HTR3A: variants seen among roughly 807,000 people sequenced by gnomAD.
HTR3A encodes the protein 5-hydroxytryptamine (serotonin) receptor 3A, ionotropic.
Under a neutral mutation model 54.8 loss-of-function variants are expected in HTR3A, and 45 were observed. That is an observed-to-expected ratio of 0.82 (90% CI 0.65 to 1.05). HTR3A has a LOEUF of 1.05. Ranked by LOEUF, HTR3A falls within the 50% of genes least tolerant of loss-of-function variation. The probability of loss-of-function intolerance (pLI) is 0.00; values close to 1 mark genes in which losing one functional copy is unlikely to be tolerated. For missense variants in HTR3A, 657 were observed against 614.0 expected (o/e 1.07, Z -0.74); for synonymous variants, 297 against 256.0 (o/e 1.16, Z -1.53).
intron 3 of HTR3A, among the ~76,000 whole-genome samples, chr11:113,980,592 T>C (rs1649217616): frequency 6.6e-6 from 1 of 152,214 alleles, no homozygotes; most frequent in Non-Finnish European, 1.5e-5. Context: ...GTTCCAGCAG[T>C]GTTTCATTGC....
At chr11:113,978,215 G>A (rs1173682078) in intron 2 of HTR3A, among the ~76,000 whole-genome samples, 1 of 152,208 alleles carries the variant, frequency 6.6e-6, no homozygotes, top group African/African-American at 2.4e-5. Flanking sequence ...TCAGCTGTAT[G>A]AGGATTAAGA....
At chr11:113,978,001 T>G in intron 2 of HTR3A, 79 bp downstream of exon 2, 1 of 1,533,360 alleles carries the variant, frequency 6.5e-7, no homozygotes, top group Non-Finnish European at 9.0e-7. Flanking sequence ...TCACCCCCTA[T>G]GCAGCTTGTT....
At chr11:113,979,817 A>T (rs750867638) in intron 3 of HTR3A, among the ~76,000 whole-genome samples, 10 of 152,126 alleles carry the variant, frequency 6.6e-5, no homozygotes, top group Non-Finnish European at 1.5e-4. Context: ...AGTGGAGGTC[A>T]CTATCCAAGG....
At chr11:113,984,207 C>G (rs769016156) in intron 5 of HTR3A, among the ~76,000 whole-genome samples, 6 of 152,190 alleles carry the variant, frequency 3.9e-5, no homozygotes, top group Non-Finnish European at 8.8e-5. Flanking sequence ...TCAGTTTACC[C>G]TCTCATCCCC....
chr11:113,977,567 T>C (rs1950365820), intron 1 of HTR3A: 1 of 1,545,078 alleles, frequency 6.5e-7, no homozygotes, highest in South Asian at 1.2e-5. Context: ...GCATAGGTCC[T>C]TTCTACAAGG....
At chr11:113,979,486 C>A (rs1386092260) in intron 3 of HTR3A, among the ~76,000 whole-genome samples, 1 of 152,194 alleles carries the variant, frequency 6.6e-6, no homozygotes. Context: ...CCCTCCAAAC[C>A]CCCTCTGGCT....
At chr11:113,977,386 C>G in intron 1 of HTR3A, 1 of 626,412 alleles carries the variant, frequency 1.6e-6, no homozygotes, top group Non-Finnish European at 2.8e-6. Flanking sequence ...AACCCTCTTG[C>G]TTTTAGTATC....
At chr11:113,977,595 G>A in intron 1 of HTR3A, 176 bp from the exon 2 acceptor site, 1 of 1,522,896 alleles carries the variant, frequency 6.6e-7, no homozygotes, top group Non-Finnish European at 8.9e-7. Flanking sequence ...TTTGAATTAT[G>A]GTAGAAATCT....
At chr11:113,979,533 T>A (rs1050002668) in intron 3 of HTR3A, among the ~76,000 whole-genome samples, 1 of 152,110 alleles carries the variant, frequency 6.6e-6, no homozygotes, top group African/African-American at 2.4e-5. Flanking sequence ...CTATGGCTTG[T>A]CCCAGCCTCT....
chr11:113,988,978 C>T (rs539951824), intron 8 of HTR3A, among the ~76,000 whole-genome samples: 14 of 152,166 alleles, frequency 9.2e-5, no homozygotes, highest in East Asian at 5.8e-4. Flanking sequence ...GAGGGGTATA[C>T]GAGGATCCTC....
At chr11:113,980,898 A>C (rs1950414337) in intron 3 of HTR3A, 1 of 415,758 alleles carries the variant, frequency 2.4e-6, no homozygotes, top group African/African-American at 2.0e-5. Context: ...ACCAAGATCC[A>C]AGAAGTTATT....
In HTR3A at chr11:113,975,467, C is replaced by T. The variant is rs113951955; in HGVS notation, c.67+75C>T. The T allele has an allele frequency of 1.3e-3, 1,676 of 1,272,206 alleles. 20 individuals are homozygous for T. The African/African-American group carries it at 0.022, about 16-fold the overall frequency. The allele number at this position is 1,272,206 out of a possible 1,614,324, so 78.8% of individuals were successfully genotyped here. A position where few individuals can be genotyped will look rare whatever the true frequency, so the allele number is the denominator to read the frequency against. On this transcript the variant is annotated intron_variant, in intron 1 of 8. Coordinates refer to ENST00000504030, the MANE Select transcript of HTR3A (RefSeq NM_000869.6). Reference sequence around the variant, plus strand: ...TGGGGCAGGGGATGCTTCAGTCCTCCGAGGGCTGTGGAGAGGAGGGTGGGG... The same window carrying T: ...TGGGGCAGGGGATGCTTCAGTCCTCTGAGGGCTGTGGAGAGGAGGGTGGGG...
Position 113,983,223 on chromosome 11 carries a change from G to A in HTR3A, c.478G>A (p.Asp160Asn), listed in dbSNP as rs771335176. 8 of 1,614,086 alleles carry A rather than the reference G, an allele frequency of 5.0e-6. No homozygotes were observed. The highest frequency in any genetic ancestry group is 2.7e-5 in the African/African-American group (2 of 74,922). ...PLQVVTACSL[D>N]IYNFPFDVQN... ...TCAGGTGGTGACTGCCTGTAGCCTC[G>A]ACATCTACAACTTCCCCTTCGATGT... Residue 160 changes from aspartate (D) to asparagine (N), a missense_variant, in exon 5 of 9, where the codon GAC becomes AAC. Physicochemically the swap from Asp to Asn is conservative, Grantham distance 23. Transcript: ENST00000504030.
intron 3 of HTR3A, among the ~76,000 whole-genome samples, chr11:113,979,569 C>G (rs1433158111): frequency 6.6e-6 from 1 of 152,192 alleles, no homozygotes; most frequent in African/African-American, 2.4e-5. Flanking sequence ...TGAGCCAGCC[C>G]CTTCACTCTC....
At chr11:113,987,548 C>A (rs753252158) in intron 8 of HTR3A, among the ~76,000 whole-genome samples, 5 of 149,236 alleles carry the variant, frequency 3.4e-5, no homozygotes, top group Admixed American at 6.8e-5. Context: ...GCCTGGCCAA[C>A]ATAGTGAGAC....
chr11:113,989,594 C>T lies in HTR3A; in HGVS notation c.1268C>T (p.Ser423Phe), dbSNP rs1314164514. The T allele has an allele frequency of 6.2e-7, 1 of 1,614,216 alleles. No individual in the cohort carries two copies. Among genetic ancestry groups the T allele is most frequent in the South Asian group, 1.1e-5 (1 of 91,086 alleles). Residue 423 changes from serine to phenylalanine, a missense_variant, in exon 9 of 9, where the codon TCC (serine) becomes TTC (phenylalanine). Transcript: ENST00000504030. The surrounding 1 kb of genome is among the most constrained non-coding windows in gnomAD (Gnocchi z 4.4). ...GTGTGTGGGCTGCTGCAGGAGCTGT[C>T]CTCCATCCGGCAATTCCTGGAAAAG... ...LAVCGLLQELSSIRQFLEKRD... is the reference protein window; with the variant it reads ...LAVCGLLQELFSIRQFLEKRD...
chr11:113,976,200 C>T (rs963332547), intron 1 of HTR3A, among the ~76,000 whole-genome samples: 13 of 152,102 alleles, frequency 8.5e-5, no homozygotes, highest in African/African-American at 2.2e-4. Flanking sequence ...CGGGAGCGGT[C>T]GTTTGGGAGT....
chr11:113,983,863 G>C (rs894802621), intron 5 of HTR3A, among the ~76,000 whole-genome samples: 1 of 152,110 alleles, frequency 6.6e-6, no homozygotes, highest in Non-Finnish European at 1.5e-5. Context: ...AGAAGCCAGT[G>C]AGATTTTAGT....
chr11:113,981,210 C>G lies in HTR3A; in HGVS notation c.272C>G (p.Thr91Ser), dbSNP rs898114198. ...TCCCTGCTCCTCCCCTAGTACTGGA[C>G]TGATGAGTTTCTCCAGTGGAACCCT... Reference protein sequence around the residue: ...TTYIWYRQYWTDEFLQWNPED... With the variant: ...TTYIWYRQYWSDEFLQWNPED... The change falls in exon 4 of 9, where the codon ACT becomes AGT. Residue 91 changes from threonine (T) to serine (S), a missense_variant. Physicochemically the swap from Thr to Ser is moderately conservative, Grantham distance 58. Coordinates refer to ENST00000504030, the MANE Select transcript of HTR3A (RefSeq NM_000869.6). The G allele has an allele frequency of 1.2e-6, 2 of 1,605,930 alleles. No homozygotes were observed. The highest frequency in any genetic ancestry group is 8.5e-7 in the Non-Finnish European group (1 of 1,172,648).
Sources: allele counts gnomAD v4.1 joint callset (sites outside exome capture counted in the v4.1 genomes callset), GRCh38; gene constraint gnomAD v4.1.1; non-coding constraint Gnocchi (gnomAD v3.1); transcripts MANE v1.5; gene names NCBI Gene and HGNC (gene_info 2026-07-23, HGNC 2026-07-21).